The following MDGA2 variants were observed in gnomAD, a reference collection of about 807,000 sequenced individuals.
MDGA2 encodes MAM domain-containing glycosylphosphatidylinositol anchor protein 2.
Under a neutral mutation model 117.8 loss-of-function variants are expected in MDGA2, and 40 were observed. That is an observed-to-expected ratio of 0.34 (90% CI 0.26 to 0.44). The LOEUF (loss-of-function observed/expected upper bound fraction) is 0.44. MDGA2 is among the 20% of genes least tolerant of loss of function. MDGA2 has a pLI of 1.00. For synonymous variants in MDGA2, 452 were observed against 439.0 expected, an observed-to-expected ratio of 1.03 and a Z score of -0.37; for missense variants, 1,123 against 1,250.6, an observed-to-expected ratio of 0.90 and a Z score of 1.54.
At chr14:46,866,907 G>T (rs1881790381) in intron 14 of MDGA2, among the ~76,000 whole-genome samples, 1 of 152,154 alleles carries the variant, frequency 6.6e-6, no homozygotes, top group African/African-American at 2.4e-5. Flanking sequence ...TGCTGGAGAG[G>T]ATGTGGAGAA....
chr14:47,411,271 C>A lies in MDGA2; in HGVS notation c.281-109721G>T, dbSNP rs377515148. The stretch of plus-strand genomic sequence containing the variant: ...GGGGTTAGTGGTTAGACAACAACAA[C>A]AAAAAAACTCCCAAGCTTTCAGAGT... On this transcript the variant is annotated intron_variant, in intron 1 of 16. Transcript: ENST00000399232. Among the ~76,000 whole-genome samples the A allele has an allele frequency of 4.0e-5, 6 of 151,282 alleles. No individual in the cohort carries two copies. The East Asian group carries it at 7.8e-4, about 20-fold the overall frequency.
At chr14:47,450,621 T>C (rs767442998) in intron 1 of MDGA2, among the ~76,000 whole-genome samples, 2 of 152,150 alleles carry the variant, frequency 1.3e-5, no homozygotes, top group South Asian at 4.1e-4. Flanking sequence ...TGAGAATTTA[T>C]GAAGACATTT....
Position 47,144,063 on chromosome 14 carries a change from T to TAG in MDGA2, c.792+14_792+15insCT, listed in dbSNP as rs976345316. 3 of 1,532,988 alleles carry TAG rather than the reference T, an allele frequency of 2.0e-6. No homozygotes were observed. The highest frequency in any genetic ancestry group is 4.9e-5 in the East Asian group (2 of 40,648). 95.0% of individuals were successfully genotyped at this position (1,532,988 alleles called of 1,614,324 possible). The stretch of plus-strand genomic sequence containing the variant: ...CTAGCAGAGTAGGGTGGAAATACTG[T>TAG]ACCTTAATTCATACCTGGGTAAAGA... On this transcript the variant is annotated intron_variant, in intron 4 of 16. Transcript: ENST00000399232.
intron 1 of MDGA2, among the ~76,000 whole-genome samples, chr14:47,534,020 C>A (rs1895155623): frequency 6.6e-6 from 1 of 152,032 alleles, no homozygotes; most frequent in Non-Finnish European, 1.5e-5. Context: ...AAACCTTTTC[C>A]ACTATAGTAA....
rs1286020141 is a variant in MDGA2 at position 47,675,403 on chromosome 14, G to T, written c.-607C>A. 6.6e-6 allele frequency among the ~76,000 whole-genome samples: 1 copy of T among 151,930 alleles called. No homozygotes were observed. The highest frequency in any genetic ancestry group is 2.4e-5 in the African/African-American group (1 of 41,374). On this transcript the variant is annotated 5_prime_UTR_variant, in exon 1 of 17. Transcript: ENST00000399232. Reference sequence around the variant, plus strand: ...GTGGGGAAGAGGGAAGGGAGGAGGGGGAAGAAGGAGGAGGAAAGGGTCCAA... The same window carrying T: ...GTGGGGAAGAGGGAAGGGAGGAGGGTGAAGAAGGAGGAGGAAAGGGTCCAA...
At chr14:47,599,256 C>G (rs76631085) in intron 1 of MDGA2, among the ~76,000 whole-genome samples, 9,448 of 151,090 alleles carry the variant, frequency 0.063, 979 homozygotes, top group African/African-American at 0.21. Flanking sequence ...AACATAACTA[C>G]ATAGAAAATC....
intron 1 of MDGA2, among the ~76,000 whole-genome samples, chr14:47,668,272 A>G (rs1898012397): frequency 6.6e-6 from 1 of 152,234 alleles, no homozygotes. Flanking sequence ...TAGTTAGAAA[A>G]GAAAATGGAA....
intron 8 of MDGA2, among the ~76,000 whole-genome samples, chr14:46,973,291 A>G (rs1886337943): frequency 1.3e-5 from 2 of 152,168 alleles, no homozygotes; most frequent in Non-Finnish European, 2.9e-5. Flanking sequence ...TTGAAAACTT[A>G]TGTTTACAAA....
intron 6 of MDGA2, among the ~76,000 whole-genome samples, chr14:47,083,546 T>C (rs901769682): frequency 4.6e-5 from 7 of 151,748 alleles, no homozygotes; most frequent in Admixed American, 3.9e-4. Flanking sequence ...AAACAGAGAA[T>C]TGGAAACAGA....
chr14:46,957,732 C>T, intron 8 of MDGA2, 89 bp from the exon 9 acceptor site: 5 of 1,386,536 alleles, frequency 3.6e-6, no homozygotes, highest in Non-Finnish European at 5.0e-6. Context: ...TTTGCAGTAA[C>T]ACATGCAGCA....
intron 1 of MDGA2, among the ~76,000 whole-genome samples, chr14:47,556,892 A>G (rs531010343): frequency 9.2e-5 from 14 of 152,320 alleles, no homozygotes; most frequent in Admixed American, 4.6e-4. Context: ...GCATTAAAAA[A>G]TTTAATGCAC....
chr14:46,999,396 G>A (rs535621883), intron 8 of MDGA2, among the ~76,000 whole-genome samples: 2 of 152,036 alleles, frequency 1.3e-5, no homozygotes, highest in Admixed American at 6.6e-5. Flanking sequence ...GTTTGGAAAG[G>A]TATTGCAAAA....
chr14:46,892,376 T>G (rs1258536191), intron 10 of MDGA2, among the ~76,000 whole-genome samples: 1 of 151,970 alleles, frequency 6.6e-6, no homozygotes, highest in Non-Finnish European at 1.5e-5. Flanking sequence ...ATTAAAGATC[T>G]ATGCATAAGA....
intron 1 of MDGA2, among the ~76,000 whole-genome samples, chr14:47,654,161 AT>A (rs1324696849): frequency 2.0e-5 from 3 of 152,212 alleles, no homozygotes; most frequent in African/African-American, 7.2e-5. Flanking sequence ...ACAGAACTTA[AT>A]TATAAGAGCA....
intron 8 of MDGA2, among the ~76,000 whole-genome samples, chr14:47,000,225 CAAGGAATTTA>C (rs1162325595): frequency 3.4e-5 from 5 of 149,044 alleles, no homozygotes; most frequent in Non-Finnish European, 7.4e-5. Flanking sequence ...ATTTAATACA[CAAGGAATTTA>C]AAGGGTAGAA....
intron 1 of MDGA2, among the ~76,000 whole-genome samples, chr14:47,508,644 A>G (rs1262338281): frequency 1.3e-5 from 2 of 152,096 alleles, no homozygotes; most frequent in African/African-American, 4.8e-5. Flanking sequence ...AGACATGAAA[A>G]TAAGTCTTGT....
At chr14:46,901,642 C>T (rs1883290329) in intron 10 of MDGA2, among the ~76,000 whole-genome samples, 1 of 152,168 alleles carries the variant, frequency 6.6e-6, no homozygotes, top group Admixed American at 6.5e-5. Context: ...ATATCTTATT[C>T]CATGCTTTTA....
chr14:46,950,902 T>C (rs1885349953), intron 9 of MDGA2, among the ~76,000 whole-genome samples: 1 of 151,866 alleles, frequency 6.6e-6, no homozygotes, highest in African/African-American at 2.4e-5. Context: ...GATAAAATAC[T>C]TTATTTTGAT....
intron 2 of MDGA2, among the ~76,000 whole-genome samples, chr14:47,260,118 G>C (rs995299832): frequency 6.6e-6 from 1 of 151,980 alleles, no homozygotes; most frequent in Non-Finnish European, 1.5e-5. Context: ...TAGAGGAGGA[G>C]AAAAAGGATA....
Sources: gnomAD v4.1 joint callset for allele counts (sites outside exome capture counted in the v4.1 genomes callset) on GRCh38, gnomAD v4.1.1 for gene constraint, MANE v1.5 for transcripts, NCBI Gene and HGNC (gene_info 2026-07-23, HGNC 2026-07-21) for gene names.